ACAN: variants seen among roughly 807,000 people sequenced by gnomAD.
ACAN encodes aggrecan, also known as aggrecan core protein.
Under a neutral mutation model 169.1 loss-of-function variants are expected in ACAN, and 47 were observed. The ratio of observed to expected loss-of-function variants is 0.28; its 90% CI spans 0.22 to 0.35. The LOEUF is 0.35. Ranked by LOEUF, ACAN falls within the 10% of genes least tolerant of loss-of-function variation. The pLI is 1.00. For synonymous variants in ACAN, 1,115 were observed against 1,112.2 expected (o/e 1.00, Z -0.05); for missense variants, 2,716 against 2,759.9 (o/e 0.98, Z 0.36).
rs199709827 is a variant in ACAN at position 88,858,598 on chromosome 15, A to G, written c.6013A>G (p.Ser2005Gly). Residue 2005 changes from serine to glycine, a missense_variant, in exon 12 of 19, where the codon AGT becomes GGT. Physicochemically the swap from Ser to Gly is moderately conservative, Grantham distance 56 (BLOSUM62 0). This residue lies in a region of ACAN where 1,389 missense variants were observed against 1,363.7 expected (regional missense o/e 1.02). Transcript: ENST00000560601. This position sits in a 1 kb window ranked among gnomAD's most constrained non-coding sequence, Gnocchi z 4.0. ...SGEPPGTPYF[S>G]GDFASTTNVS... Reference sequence around the variant, plus strand: ...AGAGCCACCAGGTACTCCATATTTTAGTGGGGATTTTGCCAGCACCACCAA... The same window carrying G: ...AGAGCCACCAGGTACTCCATATTTTGGTGGGGATTTTGCCAGCACCACCAA... 150 of 1,613,852 alleles carry G rather than the reference A, an allele frequency of 9.3e-5. No individual in the cohort carries two copies. The African/African-American group carries it at 1.3e-3, about 14-fold the overall frequency.
chr15:88,810,034 TGGAG>T (rs1895779991), intron 1 of ACAN, among the ~76,000 whole-genome samples: 2 of 152,154 alleles, frequency 1.3e-5, no homozygotes, highest in Non-Finnish European at 2.9e-5. Flanking sequence ...CATGAAACAC[TGGAG>T]CAGAAAGGGA....
chr15:88,862,652 G>T lies in ACAN; in HGVS notation c.6946+2213G>T, dbSNP rs550420066. 1.5e-3 allele frequency among the ~76,000 whole-genome samples: 224 copies of T among 152,226 alleles called. 3 individuals are homozygous for T. In the South Asian group the frequency reaches 0.044, roughly 30 times the overall value. On this transcript the variant is annotated intron_variant, in intron 13 of 18. Coordinates refer to ENST00000560601, the MANE Select transcript of ACAN (RefSeq NM_001369268.1). ...ACTGCAGATAGTGGCCAGTCTTCAC[G>T]GGTGACCCACGATTGTCTTGCACCA...
At chr15:88,810,283 C>A (rs1203381087) in intron 1 of ACAN, among the ~76,000 whole-genome samples, 2 of 152,060 alleles carry the variant, frequency 1.3e-5, no homozygotes, top group Non-Finnish European at 2.9e-5. Context: ...TTGGGTTACC[C>A]ATTGTCCACC....
chr15:88,812,824 C>T lies in ACAN; in HGVS notation c.-8+9015C>T, dbSNP rs75618070. ...CCTCCTGAGCTCCACAAAGAGCACT[C>T]CTTCTCACTGCACCAAGGGGAGTGA... On this transcript the variant is annotated intron_variant, in intron 1 of 18. Coordinates refer to ENST00000560601, the MANE Select transcript of ACAN (RefSeq NM_001369268.1). Among the ~76,000 whole-genome samples the T allele has an allele frequency of 4.0e-3, 606 of 152,254 alleles. 3 individuals are homozygous for T. Among genetic ancestry groups the T allele is most frequent in the Non-Finnish European group, 4.5e-3 (307 of 68,014 alleles).
chr15:88,855,521 G>T lies in ACAN; in HGVS notation c.2936G>T (p.Gly979Val), dbSNP rs190556234. 6 of 1,613,678 alleles carry T rather than the reference G, an allele frequency of 3.7e-6. No homozygotes were observed. The Admixed American group carries it at 1.0e-4, about 27-fold the overall frequency. ...GVGDLSGLPS[G>V]EVLETTAPGV... ...GGAGACCTCAGTGGGCTTCCTTCTG[G>T]AGAAGTTCTAGAGACCACTGCCCCT... is the stretch of plus-strand genomic sequence containing the variant. The change falls in exon 12 of 19, where the codon GGA becomes GTA. Residue 979 changes from glycine (G) to valine (V), a missense_variant. Physicochemically the swap from Gly to Val is moderately radical, Grantham distance 109. Transcript: ENST00000560601.
Position 88,841,855 on chromosome 15 carries a change from G to A in ACAN, c.745G>A (p.Glu249Lys), listed in dbSNP as rs560781973. The A allele has an allele frequency of 7.4e-5, 119 of 1,611,328 alleles. No individual in the cohort carries two copies. In the East Asian group the frequency reaches 1.5e-3, roughly 20 times the overall value. ...NETYDVYCFA[E>K]EMEGEVFYAT... The stretch of plus-strand genomic sequence containing the variant: ...GACCTATGATGTGTACTGCTTCGCC[G>A]AGGAGATGGAGGGTGAGCTGCCCTG... The change falls in exon 5 of 19, where the codon GAG (glutamate) becomes AAG (lysine). Residue 249 changes from glutamate (E) to lysine (K), a missense_variant. Glu to Lys is a moderately conservative substitution (Grantham distance 56, BLOSUM62 1). Coordinates refer to ENST00000560601, the MANE Select transcript of ACAN (RefSeq NM_001369268.1).
intron 7 of ACAN, among the ~76,000 whole-genome samples, chr15:88,846,442 A>G (rs1272203676): frequency 2.6e-5 from 4 of 152,254 alleles, no homozygotes; most frequent in African/African-American, 7.2e-5. Context: ...TGAAAATTAT[A>G]TAAAATTCAA....
At chr15:88,841,592 A>G (rs1010402085) in intron 4 of ACAN, 148 bp from the exon 5 acceptor site, 2 of 1,023,632 alleles carry the variant, frequency 2.0e-6, no homozygotes, top group African/African-American at 3.2e-5. Flanking sequence ...CTGTAAAAAC[A>G]GATAGGCAGT....
Position 88,843,289 on chromosome 15 carries a change from C to CGGTGGTCGCCGTATCAT in ACAN, c.758-66_758-65insGGTGGTCGCCGTATCAT. Reference sequence around the variant, plus strand: ...AGACCTCGTGGAAAAGTGTGGATCTCTCTGGGGATGCAGAGCAGGGGGAGG... The same window carrying CGGTGGTCGCCGTATCAT: ...AGACCTCGTGGAAAAGTGTGGATCTCGGTGGTCGCCGTATCATTCTGGGGATGCAGAGCAGGGGGAGG... On this transcript the variant is annotated intron_variant, in intron 5 of 18. Transcript: ENST00000560601. The surrounding 1 kb of genome is among the most constrained non-coding windows in gnomAD (Gnocchi z 4.0). 1 of 1,418,004 alleles carries CGGTGGTCGCCGTATCAT rather than the reference C, an allele frequency of 7.1e-7. No individual in the cohort carries two copies. Among genetic ancestry groups the CGGTGGTCGCCGTATCAT allele is most frequent in the Admixed American group, 2.6e-5 (1 of 38,064 alleles). The allele number at this position is 1,418,004 out of a possible 1,614,324, so 87.8% of individuals were successfully genotyped here. A position where few individuals can be genotyped will look rare whatever the true frequency, so the allele number is the denominator to read the frequency against.
chr15:88,827,005 T>C (rs561925845), intron 1 of ACAN, among the ~76,000 whole-genome samples: 2 of 152,318 alleles, frequency 1.3e-5, no homozygotes, highest in East Asian at 3.9e-4. Context: ...ATTGTCTTCC[T>C]TCCTATGAAG....
Position 88,857,522 on chromosome 15 carries a change from T to C in ACAN, c.4937T>C (p.Leu1646Pro). 1 of 1,613,972 alleles carries C rather than the reference T, an allele frequency of 6.2e-7. No homozygotes were observed. The highest frequency in any genetic ancestry group is 8.5e-7 in the Non-Finnish European group (1 of 1,179,900). The change falls in exon 12 of 19, where the codon CTG becomes CCG. Residue 1646 changes from leucine to proline, a missense_variant. By Grantham distance (98) the Leu-to-Pro change is moderately conservative (BLOSUM62 -3). Around this residue, in one of 3 missense-constraint regions of ACAN, gnomAD observed 1,389 missense variants for 1,363.7 expected, o/e 1.02. Transcript: ENST00000560601. ...VDLGSGPPSG[L>P]PDFSGLPSGF... ...CTTGGAAGTGGCCCACCCTCTGGCCTGCCTGACTTTAGTGGACTTCCATCT... is the reference window on the plus strand; with the variant it reads ...CTTGGAAGTGGCCCACCCTCTGGCCCGCCTGACTTTAGTGGACTTCCATCT...
chr15:88,843,485 G>T lies in ACAN; in HGVS notation c.888G>T (p.Met296Ile), dbSNP rs1183769629. Residue 296 changes from methionine to isoleucine, a missense_variant, in exon 6 of 19, where the codon ATG becomes ATT. This residue lies in a region of ACAN where 1,283 missense variants were observed against 1,281.5 expected (regional missense o/e 1.00). Coordinates refer to ENST00000560601, the MANE Select transcript of ACAN (RefSeq NM_001369268.1). This position sits in a 1 kb window ranked among gnomAD's most constrained non-coding sequence, Gnocchi z 4.0. ...TGGCCTGGCAGGCTGGCATGGACAT[G>T]TGCAGCGCCGGCTGGCTGGCCGACC... ...LYLAWQAGMD[M>I]CSAGWLADRS... is the part of the protein sequence containing the mutation. 8 of 1,612,094 alleles carry T rather than the reference G, an allele frequency of 5.0e-6. No homozygotes were observed. Among genetic ancestry groups the T allele is most frequent in the South Asian group, 1.1e-5 (1 of 90,958 alleles).
chr15:88,872,975 A>G lies in ACAN; in HGVS notation c.7397A>G (p.Asn2466Ser). Residue 2466 changes from asparagine (N) to serine (S), a missense_variant, in exon 17 of 19, where the codon AAT becomes AGT. Asn to Ser is a conservative substitution (Grantham distance 46, BLOSUM62 1). Coordinates refer to ENST00000560601, the MANE Select transcript of ACAN (RefSeq NM_001369268.1). The surrounding 1 kb of genome is among the most constrained non-coding windows in gnomAD (Gnocchi z 5.4). ...VMIWHEKGEW[N>S]DVPCNYHLPF... ...ATCTGGCACGAGAAGGGCGAGTGGA[A>G]TGATGTTCCCTGCAATTACCACCTC... The G allele has an allele frequency of 6.2e-7, 1 of 1,613,828 alleles. No homozygotes were observed. The highest frequency in any genetic ancestry group is 8.5e-7 in the Non-Finnish European group (1 of 1,179,884).
chr15:88,824,632 AT>A (rs1418968188), intron 1 of ACAN, among the ~76,000 whole-genome samples: 1 of 152,174 alleles, frequency 6.6e-6, no homozygotes, highest in African/African-American at 2.4e-5. Context: ...TAATCCCAGC[AT>A]TTTGGGAAGC....
At position 88,873,041 on chromosome 15, in the gene ACAN, G is replaced by A. The variant is rs373166206; in HGVS notation, c.7447+16G>A. 6.2e-7 allele frequency: 1 copy of A among 1,609,582 alleles called. No homozygotes were observed. Among genetic ancestry groups the A allele is most frequent in the Non-Finnish European group, 8.5e-7 (1 of 1,177,976 alleles). On this transcript the variant is annotated intron_variant, in intron 17 of 18. Coordinates refer to ENST00000560601, the MANE Select transcript of ACAN (RefSeq NM_001369268.1). The surrounding 1 kb of genome is among the most constrained non-coding windows in gnomAD (Gnocchi z 7.5). ...AAGGGCACAGGTAAGCTGGCGCCTG[G>A]GAGGGGTCAGGGGAGGATAGGATCA...
chr15:88,873,859 C>T lies in ACAN; in HGVS notation c.7465C>T (p.Pro2489Ser). 1 of 1,613,786 alleles carries T rather than the reference C, an allele frequency of 6.2e-7. No individual in the cohort carries two copies. The highest frequency in any genetic ancestry group is 1.3e-5 in the African/African-American group (1 of 75,036). ...CCCCTCAGTGGCCTGCGGAGAGCCC[C>T]CTGTGGTGGAGCATGCCAGGACCTT... is the stretch of plus-strand genomic sequence containing the variant. ...KKGTVACGEPPVVEHARTFGQ... is the reference protein window; with the variant it reads ...KKGTVACGEPSVVEHARTFGQ... The change falls in exon 18 of 19, where the codon CCT becomes TCT. Residue 2489 changes from proline (P) to serine (S), a missense_variant. By Grantham distance (74) the Pro-to-Ser change is moderately conservative (BLOSUM62 -1). Coordinates refer to ENST00000560601, the MANE Select transcript of ACAN (RefSeq NM_001369268.1). This position sits in a 1 kb window ranked among gnomAD's most constrained non-coding sequence, Gnocchi z 7.5.
At chr15:88,841,105 A>C (rs1436208439) in intron 4 of ACAN, among the ~76,000 whole-genome samples, 1 of 152,236 alleles carries the variant, frequency 6.6e-6, no homozygotes, top group African/African-American at 2.4e-5. Context: ...AGATCGCGCC[A>C]CTGCACTCCA....
At chr15:88,845,056 C>T (rs1896758961) in intron 6 of ACAN, among the ~76,000 whole-genome samples, 1 of 152,198 alleles carries the variant, frequency 6.6e-6, no homozygotes, top group African/African-American at 2.4e-5. Context: ...AGGCAGTTCT[C>T]CAAAGCCACC....
At position 88,861,494 on chromosome 15, in the gene ACAN, T is replaced by C. The variant is rs571240771; in HGVS notation, c.6946+1055T>C. ...ATTAATACATCATTATATATTATTA[T>C]ATATCATATAAACATGCTGTATACA... On this transcript the variant is annotated intron_variant, in intron 13 of 18. Coordinates refer to ENST00000560601, the MANE Select transcript of ACAN (RefSeq NM_001369268.1). This position sits in a 1 kb window ranked among gnomAD's most constrained non-coding sequence, Gnocchi z 6.3. Among the ~76,000 whole-genome samples the C allele has an allele frequency of 6.6e-6, 1 of 152,184 alleles. No individual in the cohort carries two copies. Among genetic ancestry groups the C allele is most frequent in the Non-Finnish European group, 1.5e-5 (1 of 68,044 alleles).
Sources: allele counts gnomAD v4.1 joint callset (sites outside exome capture counted in the v4.1 genomes callset), GRCh38; gene constraint gnomAD v4.1.1; regional missense constraint gnomAD v4.1.1; non-coding constraint Gnocchi (gnomAD v3.1); transcripts MANE v1.5; gene names NCBI Gene and HGNC (gene_info 2026-07-23, HGNC 2026-07-21).